PTH1R: variants seen among roughly 807,000 people sequenced by gnomAD.
PTH1R encodes parathyroid hormone 1 receptor.
A neutral mutation model predicts 70.7 loss-of-function variants in PTH1R; 32 were observed. That is an observed-to-expected ratio of 0.45 (90% CI 0.34 to 0.61). The LOEUF (loss-of-function observed/expected upper bound fraction) is 0.61, where lower values mean the gene tolerates loss of function less well. PTH1R is among the 20% of genes least tolerant of loss of function. The pLI is 0.01. For missense variants in PTH1R, 626 were observed against 792.5 expected (o/e 0.79, Z 2.52); for synonymous variants, 329 against 324.8 (o/e 1.01, Z -0.14).
Position 46,898,379 on chromosome 3 carries a change from A to T in PTH1R, c.545A>T (p.Glu182Val), listed in dbSNP as rs2031887199. 1.2e-6 allele frequency: 2 copies of T among 1,612,550 alleles called. No homozygotes were observed. The highest frequency in any genetic ancestry group is 1.7e-6 in the Non-Finnish European group (2 of 1,179,322). ...TGTGTCTCCCCCCGCCCCGCACAGG[A>T]GGTGTTTGACCGCCTGGGCATGATT... Reference protein sequence around the residue: ...KFLTNETREREVFDRLGMIYT... With the variant: ...KFLTNETRERVVFDRLGMIYT... The change falls in exon 8 of 16, where the codon GAG becomes GTG. Residue 182 changes from glutamate (E) to valine (V), a missense_variant and splice_region_variant. Physicochemically the swap from Glu to Val is moderately radical, Grantham distance 121. Around this residue, in one of 3 missense-constraint regions of PTH1R, gnomAD observed 495 missense variants for 638.7 expected, o/e 0.77. Transcript: ENST00000449590.
At chr3:46,895,317 C>T (rs1008457733) in intron 4 of PTH1R, among the ~76,000 whole-genome samples, 9 of 152,184 alleles carry the variant, frequency 5.9e-5, no homozygotes, top group Non-Finnish European at 1.0e-4. Flanking sequence ...ACTTAATTTT[C>T]GCTATGTAAC....
intron 4 of PTH1R, 60 bp downstream of exon 4, chr3:46,894,069 G>A (rs1437532120): frequency 1.3e-6 from 2 of 1,551,160 alleles, no homozygotes; most frequent in African/African-American, 1.4e-5. Context: ...GCCAGTCAAG[G>A]GCGGGACCCA....
At chr3:46,887,247 A>G (rs1011530493) in intron 3 of PTH1R, among the ~76,000 whole-genome samples, 1 of 151,988 alleles carries the variant, frequency 6.6e-6, no homozygotes, top group Non-Finnish European at 1.5e-5. Flanking sequence ...AAGAAAAAAA[A>G]AATTAAATCC....
Position 46,901,919 on chromosome 3 carries a change from A to G in PTH1R, c.1211+59A>G, listed in dbSNP as rs1425332496. On this transcript the variant is annotated intron_variant, in intron 13 of 15. Coordinates refer to ENST00000449590, the MANE Select transcript of PTH1R (RefSeq NM_000316.3). This position sits in a 1 kb window ranked among gnomAD's most constrained non-coding sequence, Gnocchi z 7.3. The stretch of plus-strand genomic sequence containing the variant: ...TCAGGGGTCCCTGAGTCCTGGTACC[A>G]TGTACCCCAGGAAAGACAGTGGCCC... 10 of 1,478,778 alleles carry G rather than the reference A, an allele frequency of 6.8e-6. No homozygotes were observed. In the East Asian group the frequency reaches 1.6e-4, roughly 24 times the overall value. 91.6% of individuals were successfully genotyped at this position (1,478,778 alleles called of 1,614,324 possible).
chr3:46,883,433 G>T lies in PTH1R; in HGVS notation c.-48-79G>T, dbSNP rs1172264917. The T allele has an allele frequency of 1.5e-6, 1 of 680,030 alleles. No individual in the cohort carries two copies. The highest frequency in any genetic ancestry group is 1.9e-6 in the Non-Finnish European group (1 of 521,090). 42.1% of individuals were successfully genotyped at this position (680,030 alleles called of 1,614,324 possible). On this transcript the variant is annotated intron_variant, in intron 2 of 15. Coordinates refer to ENST00000449590, the MANE Select transcript of PTH1R (RefSeq NM_000316.3). This position sits in a 1 kb window ranked among gnomAD's most constrained non-coding sequence, Gnocchi z 6.4. ...CCGGGCCCCGGGGCCTCGGGCCGCC[G>T]GGACGCCGGGGTCCCATAGGCCGGG...
rs200224936 is a variant in PTH1R at position 46,898,832 on chromosome 3, C to T, written c.809C>T (p.Pro270Leu). ...CGCGCCATCGCCCAGGCGCCCCCGC[C>T]GCCTGCCACCGCCGCTGCCGGCTAC... ...ELRAIAQAPP[P>L]PATAAAGYAG... The change falls in exon 9 of 16, where the codon CCG becomes CTG. Residue 270 changes from proline (P) to leucine (L), a missense_variant. By Grantham distance (98) the Pro-to-Leu change is moderately conservative. Transcript: ENST00000449590. 30 of 1,553,082 alleles carry T rather than the reference C, an allele frequency of 1.9e-5. No homozygotes were observed. Among genetic ancestry groups the T allele is most frequent in the Non-Finnish European group, 2.6e-5 (30 of 1,154,848 alleles).
chr3:46,898,489 G>A lies in PTH1R; in HGVS notation c.638+17G>A. ...CTACTTTAGGTGGGCGGGGCGGGGC[G>A]AGAGGCGGCGGGACATGGTGGAGGG... On this transcript the variant is annotated intron_variant, in intron 8 of 15. Transcript: ENST00000449590. The A allele has an allele frequency of 6.2e-7, 1 of 1,612,962 alleles. No individual in the cohort carries two copies. Among genetic ancestry groups the A allele is most frequent in the Non-Finnish European group, 8.5e-7 (1 of 1,179,402 alleles).
rs2032097335 is a variant in PTH1R, at chr3:46,901,264, C to T, written c.1050-150C>T. ...CACAGGAGGCTACTTCCAAAGAGGC[C>T]TGTGAGGGAGGCCTCAGGCCTGGCC... On this transcript the variant is annotated intron_variant, in intron 11 of 15. Transcript: ENST00000449590. The surrounding 1 kb of genome is among the most constrained non-coding windows in gnomAD (Gnocchi z 7.3). 2 of 1,253,034 alleles carry T rather than the reference C, an allele frequency of 1.6e-6. No individual in the cohort carries two copies. Among genetic ancestry groups the T allele is most frequent in the African/African-American group, 1.5e-5 (1 of 66,974 alleles). 77.6% of individuals were successfully genotyped at this position (1,253,034 alleles called of 1,614,324 possible).
rs1436217581 is a variant in PTH1R, at chr3:46,882,922, AG to A, written c.-48-587del. ...CGGGGGCTGGCGGCCGGAACACCTA[AG>A]GGCTCAGTGTGGCTGCAAAGTTGAG... On this transcript the variant is annotated intron_variant, in intron 2 of 15. Coordinates refer to ENST00000449590, the MANE Select transcript of PTH1R (RefSeq NM_000316.3). The surrounding 1 kb of genome is among the most constrained non-coding windows in gnomAD (Gnocchi z 4.3). 2.0e-4 allele frequency among the ~76,000 whole-genome samples: 31 copies of A among 151,346 alleles called. No homozygotes were observed.
Position 46,892,714 on chromosome 3 carries a change from C to T in PTH1R, c.76-1193C>T, listed in dbSNP as rs779730582. On this transcript the variant is annotated intron_variant, in intron 3 of 15. Coordinates refer to ENST00000449590, the MANE Select transcript of PTH1R (RefSeq NM_000316.3). The surrounding 1 kb of genome is among the most constrained non-coding windows in gnomAD (Gnocchi z 5.2). ...CTCCCCTGCCTCCTCTGGGTCCTCCCGCCCTTCACAGCCATGCTCGGACTG... is the reference window on the plus strand; with the variant it reads ...CTCCCCTGCCTCCTCTGGGTCCTCCTGCCCTTCACAGCCATGCTCGGACTG... 213 of 985,788 alleles carry T rather than the reference C, an allele frequency of 2.2e-4. No individual in the cohort carries two copies. The highest frequency in any genetic ancestry group is 2.5e-4 in the Non-Finnish European group (207 of 830,092). 61.1% of individuals were successfully genotyped at this position (985,788 alleles called of 1,614,324 possible).
Position 46,897,548 on chromosome 3 carries a change from A to G in PTH1R, c.314-307A>G, listed in dbSNP as rs2031822267. 2.0e-5 allele frequency among the ~76,000 whole-genome samples: 3 copies of G among 152,124 alleles called. No homozygotes were observed. The South Asian group carries it at 6.2e-4, about 32-fold the overall frequency. The stretch of plus-strand genomic sequence containing the variant: ...GGAGTTTGAGACCAGCCTGACCAAC[A>G]TGGAGAAACCCCATCTCTACTAAAA... On this transcript the variant is annotated intron_variant, in intron 5 of 15. Transcript: ENST00000449590.
rs772349722 is a variant in PTH1R at position 46,898,365 on chromosome 3, C to G, written c.544-13C>G. On this transcript the variant is annotated splice_polypyrimidine_tract_variant and intron_variant, in intron 7 of 15. Transcript: ENST00000449590. ...CCCAGGGCTCTGACTGTGTCTCCCC[C>G]CGCCCCGCACAGGAGGTGTTTGACC... 1.5e-5 allele frequency: 24 copies of G among 1,613,074 alleles called. No individual in the cohort carries two copies. Among genetic ancestry groups the G allele is most frequent in the Middle Eastern group, 1.7e-4 (1 of 5,996 alleles).
intron 4 of PTH1R, among the ~76,000 whole-genome samples, chr3:46,894,967 G>A (rs1300439873): frequency 6.6e-6 from 1 of 151,756 alleles, no homozygotes; most frequent in Non-Finnish European, 1.5e-5. Flanking sequence ...GGGAGGCTAA[G>A]GTGGGAGGAT....
At chr3:46,886,529 T>C (rs1028828069) in intron 3 of PTH1R, among the ~76,000 whole-genome samples, 1 of 152,278 alleles carries the variant, frequency 6.6e-6, no homozygotes, top group East Asian at 1.9e-4. Context: ...AGCTAATTTT[T>C]TGTATTTTTA....
chr3:46,898,646 G>A lies in PTH1R; in HGVS notation c.639-16G>A, dbSNP rs1459224481. ...TCCCCGTGCCCCCACCCACGGTCAT[G>A]TCGCGCGCCCCGCAGGCGGCTGCAC... On this transcript the variant is annotated splice_polypyrimidine_tract_variant and intron_variant, in intron 8 of 15. Transcript: ENST00000449590. 11 of 1,611,084 alleles carry A rather than the reference G, an allele frequency of 6.8e-6. No individual in the cohort carries two copies. Among genetic ancestry groups the A allele is most frequent in the Non-Finnish European group, 9.3e-6 (11 of 1,179,622 alleles).
Position 46,903,149 on chromosome 3 carries a change from T to C in PTH1R, c.1396-121T>C. On this transcript the variant is annotated intron_variant, in intron 15 of 15. Transcript: ENST00000449590. The surrounding 1 kb of genome is among the most constrained non-coding windows in gnomAD (Gnocchi z 4.4). ...TGTGAGGATGGGATTTCACTTGGCC[T>C]TGGAGTTTCCCAGGAGTCCCCTATT... The C allele has an allele frequency of 6.5e-7, 1 of 1,529,872 alleles. No individual in the cohort carries two copies. The highest frequency in any genetic ancestry group is 8.8e-7 in the Non-Finnish European group (1 of 1,132,316). The allele number at this position is 1,529,872 out of a possible 1,614,324, so 94.8% of individuals were successfully genotyped here.
rs2031776688 is a variant in PTH1R, at chr3:46,896,705, C to G, written c.313+836C>G. Among the ~76,000 whole-genome samples, 1 of 152,070 alleles carries G rather than the reference C, an allele frequency of 6.6e-6. No individual in the cohort carries two copies. Among genetic ancestry groups the G allele is most frequent in the South Asian group, 2.1e-4 (1 of 4,824 alleles). On this transcript the variant is annotated intron_variant, in intron 5 of 15. Coordinates refer to ENST00000449590, the MANE Select transcript of PTH1R (RefSeq NM_000316.3). The surrounding 1 kb of genome is among the most constrained non-coding windows in gnomAD (Gnocchi z 4.1). ...TGGCTGGAGAGTCCTGTGGTTGGAG[C>G]CCTACAGAGGGAGAGAAGGGGGCTG...
intron 4 of PTH1R, 29 bp from the exon 5 acceptor site, chr3:46,895,706 A>G: frequency 1.2e-6 from 2 of 1,614,004 alleles, no homozygotes; most frequent in Non-Finnish European, 1.7e-6. Context: ...CACAGCTGAC[A>G]GCCATCATTA....
At position 46,893,840 on chromosome 3, in the gene PTH1R, G is replaced by C; in HGVS notation, c.76-67G>C. On this transcript the variant is annotated intron_variant, in intron 3 of 15. Transcript: ENST00000449590. The surrounding 1 kb of genome is among the most constrained non-coding windows in gnomAD (Gnocchi z 5.2). Reference sequence around the variant, plus strand: ...AAGGGGGTAGTCCCTCTGGGAAATTGGGATGTCTCTGGGACCTGCTGCTGC... The same window carrying C: ...AAGGGGGTAGTCCCTCTGGGAAATTCGGATGTCTCTGGGACCTGCTGCTGC... The C allele has an allele frequency of 6.8e-7, 1 of 1,461,338 alleles. No homozygotes were observed. Among genetic ancestry groups the C allele is most frequent in the Non-Finnish European group, 9.5e-7 (1 of 1,050,664 alleles). 90.5% of individuals were successfully genotyped at this position (1,461,338 alleles called of 1,614,324 possible). A position where few individuals can be genotyped will look rare whatever the true frequency, so the allele number is the denominator to read the frequency against.
Sources: gnomAD v4.1 joint callset for allele counts (sites outside exome capture counted in the v4.1 genomes callset) on GRCh38, gnomAD v4.1.1 for gene constraint, gnomAD v4.1.1 regional missense constraint, Gnocchi (gnomAD v3.1) non-coding constraint, MANE v1.5 for transcripts, NCBI Gene and HGNC (gene_info 2026-07-23, HGNC 2026-07-21) for gene names.